The following DLGAP2 variants were observed in gnomAD, a reference collection of about 807,000 sequenced individuals.
DLGAP2 encodes the protein DLG associated protein 2.
Under a neutral mutation model 100.3 loss-of-function variants are expected in DLGAP2, and 26 were observed. The observed-to-expected ratio is 0.26, with a 90% CI of 0.19 to 0.36. The LOEUF (loss-of-function observed/expected upper bound fraction) is 0.36. DLGAP2 is among the 10% of genes least tolerant of loss of function. DLGAP2 has a pLI of 1.00. For missense variants in DLGAP2, 1,858 were observed against 1,453.2 expected (o/e 1.28, Z -4.53); for synonymous variants, 886 against 630.1 (o/e 1.41, Z -6.08).
At chr8:961,619 A>C (rs1799727654) in intron 2 of DLGAP2, among the ~76,000 whole-genome samples, 1 of 152,222 alleles carries the variant, frequency 6.6e-6, no homozygotes, top group Non-Finnish European at 1.5e-5. Context: ...TTAAATTTAT[A>C]CACAAGTATT....
At chr8:1,531,235 CGTGTGCGTGT>C (rs1289383450) in intron 4 of DLGAP2, among the ~76,000 whole-genome samples, 2 of 140,222 alleles carry the variant, frequency 1.4e-5, no homozygotes, top group Non-Finnish European at 1.5e-5. Context: ...TATTAGAGAG[CGTGTGCGTGT>C]GTGTGTGTGT....
chr8:1,386,102 G>C (rs1178722365), intron 3 of DLGAP2, among the ~76,000 whole-genome samples: 1 of 152,296 alleles, frequency 6.6e-6, no homozygotes, highest in African/African-American at 2.4e-5. Flanking sequence ...CCAGAAAACA[G>C]GAAAATGACA....
At chr8:1,179,109 C>G (rs180922068) in intron 2 of DLGAP2, among the ~76,000 whole-genome samples, 9 of 152,178 alleles carry the variant, frequency 5.9e-5, no homozygotes, top group Non-Finnish European at 1.2e-4. Context: ...CTTTTCTACA[C>G]CTGTTTACGA....
At chr8:1,086,277 A>G (rs889803255) in intron 2 of DLGAP2, among the ~76,000 whole-genome samples, 6 of 152,190 alleles carry the variant, frequency 3.9e-5, no homozygotes, top group Non-Finnish European at 7.4e-5. Context: ...ATTGCCCAGC[A>G]TAGGACTTCT....
At position 1,459,664 on chromosome 8, in the gene DLGAP2, A is replaced by G. The variant is rs541993428; in HGVS notation, c.107-41702A>G. ...AGGATCATCCAGCACCCTCTCTGGCATTTTAAATTCTGTTGTTTTCTTTTT... is the reference window on the plus strand; with the variant it reads ...AGGATCATCCAGCACCCTCTCTGGCGTTTTAAATTCTGTTGTTTTCTTTTT... On this transcript the variant is annotated intron_variant, in intron 3 of 14. Coordinates refer to ENST00000637795, the MANE Select transcript of DLGAP2 (RefSeq NM_001346810.2). Among the ~76,000 whole-genome samples, 10 of 147,458 alleles carry G rather than the reference A, an allele frequency of 6.8e-5. No homozygotes were observed. The South Asian group carries it at 1.5e-3, about 22-fold the overall frequency.
intron 12 of DLGAP2, among the ~76,000 whole-genome samples, chr8:1,682,697 C>G (rs1222799895): frequency 6.6e-6 from 1 of 151,476 alleles, no homozygotes; most frequent in Non-Finnish European, 1.5e-5. Context: ...TAATCGTGAA[C>G]TCCTGGCCTC....
intron 3 of DLGAP2, among the ~76,000 whole-genome samples, chr8:1,281,645 C>G (rs1408998217): frequency 6.6e-6 from 1 of 152,174 alleles, no homozygotes; most frequent in Non-Finnish European, 1.5e-5. Flanking sequence ...CATACACAAT[C>G]AAGAGTACAG....
intron 3 of DLGAP2, among the ~76,000 whole-genome samples, chr8:1,371,890 G>C (rs972798539): frequency 1.3e-5 from 2 of 152,248 alleles, no homozygotes; most frequent in East Asian, 1.9e-4. Flanking sequence ...GCATCACACA[G>C]ATCAGCGACA....
At chr8:1,201,757 C>T (rs928107370) in intron 2 of DLGAP2, among the ~76,000 whole-genome samples, 6 of 152,188 alleles carry the variant, frequency 3.9e-5, no homozygotes, top group African/African-American at 9.7e-5. Context: ...TGTGCTGTGC[C>T]CTCCCTCATC....
intron 2 of DLGAP2, among the ~76,000 whole-genome samples, chr8:1,189,168 C>T (rs868458754): frequency 7.0e-6 from 1 of 142,302 alleles, no homozygotes. Flanking sequence ...GGGTTCGGGC[C>T]CCAGGCCGAT....
intron 3 of DLGAP2, among the ~76,000 whole-genome samples, chr8:1,276,611 G>A (rs530948932): frequency 6.6e-6 from 1 of 152,126 alleles, no homozygotes; most frequent in Non-Finnish European, 1.5e-5. Flanking sequence ...AAGCCCAAAG[G>A]TGGTGCGTCT....
intron 8 of DLGAP2, among the ~76,000 whole-genome samples, chr8:1,641,906 A>AC (rs1797912958): frequency 7.7e-6 from 1 of 129,036 alleles, no homozygotes; most frequent in African/African-American, 3.2e-5. Flanking sequence ...GTCACCCTCG[A>AC]CCCCGCCGGC....
intron 2 of DLGAP2, among the ~76,000 whole-genome samples, chr8:1,232,641 G>A (rs1798561745): frequency 6.6e-6 from 1 of 152,226 alleles, no homozygotes; most frequent in South Asian, 2.1e-4. Context: ...ATGCTTTCAT[G>A]TAGGCATTTC....
intron 2 of DLGAP2, among the ~76,000 whole-genome samples, chr8:1,163,614 G>C (rs975304600): frequency 6.6e-6 from 1 of 152,246 alleles, no homozygotes; most frequent in African/African-American, 2.4e-5. Flanking sequence ...AACTGACCCC[G>C]GAAGCGCAGG....
chr8:1,548,503 C>G lies in DLGAP2; in HGVS notation c.173-123C>G, dbSNP rs980796801. 9.9e-6 allele frequency: 6 copies of G among 603,204 alleles called. No individual in the cohort carries two copies. The East Asian group carries it at 1.0e-4, about 10-fold the overall frequency. The allele number at this position is 603,204 out of a possible 1,614,324, so 37.4% of individuals were successfully genotyped here. A position where few individuals can be genotyped will look rare whatever the true frequency, so the allele number is the denominator to read the frequency against. ...AAAAAAACCCACAAATCTGCCCTCT[C>G]GAGTGCCCAGGCCAGACATGGACAC... On this transcript the variant is annotated intron_variant, in intron 4 of 14. Transcript: ENST00000637795.
chr8:1,588,444 A>G (rs1235038094), intron 6 of DLGAP2, among the ~76,000 whole-genome samples: 2 of 152,232 alleles, frequency 1.3e-5, no homozygotes, highest in African/African-American at 4.8e-5. Flanking sequence ...TCTCCCCAAT[A>G]GTAAAGACAA....
intron 3 of DLGAP2, among the ~76,000 whole-genome samples, chr8:1,343,437 C>T (rs1282666169): frequency 6.6e-6 from 1 of 152,062 alleles, no homozygotes; most frequent in Non-Finnish European, 1.5e-5. Context: ...CTTGGGGTGC[C>T]CAAGTGACTG....
intron 2 of DLGAP2, among the ~76,000 whole-genome samples, chr8:1,245,765 C>T (rs1442346828): frequency 1.3e-5 from 2 of 152,130 alleles, no homozygotes; most frequent in Non-Finnish European, 1.5e-5. Flanking sequence ...GAATAAATCA[C>T]TTTTAAAAAA....
At chr8:1,234,430 T>A (rs539808390) in intron 2 of DLGAP2, among the ~76,000 whole-genome samples, 2 of 152,348 alleles carry the variant, frequency 1.3e-5, no homozygotes, top group East Asian at 3.9e-4. Flanking sequence ...CCTGTGGGTC[T>A]GATTCCAGTG....
Sources: gnomAD v4.1 joint callset for allele counts (sites outside exome capture counted in the v4.1 genomes callset) on GRCh38, gnomAD v4.1.1 for gene constraint, MANE v1.5 for transcripts, NCBI Gene and HGNC (gene_info 2026-07-23, HGNC 2026-07-21) for gene names.